Variants in GPHN observed in about 807,000 individuals in gnomAD.
GPHN encodes gephyrin.
In GPHN, 17 loss-of-function variants were observed where a neutral mutation model predicts 95.5. That is an observed-to-expected ratio of 0.18 (90% confidence interval 0.12 to 0.27). The LOEUF (loss-of-function observed/expected upper bound fraction) is 0.27. GPHN is among the 10% of genes least tolerant of loss of function. GPHN has a pLI of 1.00. For missense variants in GPHN, 660 were observed against 978.1 expected, an observed-to-expected ratio of 0.67 and a Z score of 4.34; for synonymous variants, 320 against 322.5, an observed-to-expected ratio of 0.99 and a Z score of 0.08.
intron 17 of GPHN, among the ~76,000 whole-genome samples, chr14:67,133,197 C>G (rs569457368): frequency 4.0e-4 from 61 of 152,106 alleles, no homozygotes; most frequent in African/African-American, 1.3e-3. Flanking sequence ...AATAGATGTC[C>G]TCAGCTATTT....
chr14:66,931,893 C>A (rs2066818072), intron 8 of GPHN, among the ~76,000 whole-genome samples: 1 of 152,180 alleles, frequency 6.6e-6, no homozygotes, highest in Non-Finnish European at 1.5e-5. Flanking sequence ...TTAGCAAAGC[C>A]ATGCTTTTGT....
intron 1 of GPHN, among the ~76,000 whole-genome samples, chr14:66,598,536 CTG>C (rs1490596351): frequency 6.6e-6 from 1 of 152,012 alleles, no homozygotes; most frequent in Non-Finnish European, 1.5e-5. Context: ...TCCCTAAAAA[CTG>C]AAAAGCAAAA....
intron 1 of GPHN, among the ~76,000 whole-genome samples, chr14:66,553,635 G>A (rs1259236043): frequency 6.6e-6 from 1 of 151,832 alleles, no homozygotes; most frequent in Non-Finnish European, 1.5e-5. Flanking sequence ...GGAGTGCAGT[G>A]GTGCGATCTC....
At chr14:67,519,700 G>A in the GPHN span, among the ~76,000 whole-genome samples, 2 of 148,272 alleles carry the variant, frequency 1.3e-5, no homozygotes, top group African/African-American at 4.9e-5. Context: ...CTGACTCAGT[G>A]GCCCTGTAAG....
At chr14:67,347,440 TG>T in the GPHN span, 1 of 1,607,768 alleles carries the variant, frequency 6.2e-7, no homozygotes, top group African/African-American at 1.3e-5. Flanking sequence ...GTTCAAATAC[TG>T]GCAAAGTAAC....
chr14:66,962,239 A>G (rs1397878220), intron 8 of GPHN, among the ~76,000 whole-genome samples: 3 of 150,774 alleles, frequency 2.0e-5, no homozygotes, highest in Admixed American at 6.6e-5. Context: ...ATATTCTTCT[A>G]TGTTCTTCAT....
the GPHN span, among the ~76,000 whole-genome samples, chr14:67,681,816 A>G: frequency 1.3e-5 from 2 of 152,208 alleles, no homozygotes; most frequent in African/African-American, 4.8e-5. Flanking sequence ...TCACAGACCT[A>G]TGTAATGCTA....
At chr14:67,646,702 T>C in the GPHN span, 5 of 1,613,890 alleles carry the variant, frequency 3.1e-6, no homozygotes, top group Non-Finnish European at 4.2e-6. Context: ...GCAAGTATTG[T>C]GTATATTGGT....
At chr14:66,753,527 A>T (rs921482416) in intron 2 of GPHN, among the ~76,000 whole-genome samples, 3 of 152,064 alleles carry the variant, frequency 2.0e-5, no homozygotes, top group Admixed American at 6.6e-5. Context: ...AAAAAATTTT[A>T]AAGAAAGTTA....
At chr14:66,976,489 A>G (rs963355054) in intron 9 of GPHN, among the ~76,000 whole-genome samples, 1 of 152,178 alleles carries the variant, frequency 6.6e-6, no homozygotes, top group African/African-American at 2.4e-5. Context: ...TTTAATATAG[A>G]GTACATCCCA....
chr14:66,972,814 C>T (rs1460883363), intron 9 of GPHN, among the ~76,000 whole-genome samples: 1 of 151,896 alleles, frequency 6.6e-6, no homozygotes, highest in Non-Finnish European at 1.5e-5. Flanking sequence ...TTCAAACTAG[C>T]TTTTTTAAAA....
At chr14:67,671,397 G>A in the GPHN span, among the ~76,000 whole-genome samples, 3 of 152,116 alleles carry the variant, frequency 2.0e-5, no homozygotes, top group East Asian at 1.9e-4. Context: ...GTGGTAGCAT[G>A]CGCCTGTAAT....
chr14:66,659,454 T>G (rs2065505608), intron 1 of GPHN, among the ~76,000 whole-genome samples: 1 of 152,184 alleles, frequency 6.6e-6, no homozygotes, highest in African/African-American at 2.4e-5. Context: ...TGGTGGTTGA[T>G]ACTGTTGAGT....
At chr14:67,571,843 T>C in the GPHN span, 1 of 1,613,472 alleles carries the variant, frequency 6.2e-7, no homozygotes. Flanking sequence ...CGAATCTCGG[T>C]CCCCTCCTCT....
chr14:66,797,729 T>C (rs2060209241), intron 3 of GPHN, among the ~76,000 whole-genome samples: 2 of 151,954 alleles, frequency 1.3e-5, no homozygotes, highest in African/African-American at 2.4e-5. Flanking sequence ...TCTTGTGTAG[T>C]CTTTAGGTTT....
the GPHN span, among the ~76,000 whole-genome samples, chr14:67,475,138 C>A: frequency 1.3e-5 from 2 of 152,178 alleles, no homozygotes; most frequent in African/African-American, 2.4e-5. Flanking sequence ...TGGTCACAAG[C>A]CCCTGAGCTC....
Position 66,965,223 on chromosome 14 carries a change from G to C in GPHN, c.861G>C (p.Gln287His). The stretch of plus-strand genomic sequence containing the variant: ...ACTCCATCATTTCTCGTGGTGTTCA[G>C]GTGCTCCCACGAGACACAGCCTCCC... ...IPDSIISRGVQVLPRDTASLS... is the reference protein window; with the variant it reads ...IPDSIISRGVHVLPRDTASLS... The change falls in exon 9 of 23, where the codon CAG (glutamine) becomes CAC (histidine). Residue 287 changes from glutamine (Q) to histidine (H), a missense_variant. This residue lies in a region of GPHN where 190 missense variants were observed against 224.7 expected (regional missense o/e 0.85). Transcript: ENST00000478722. The C allele has an allele frequency of 6.2e-7, 1 of 1,610,406 alleles. No individual in the cohort carries two copies. Among genetic ancestry groups the C allele is most frequent in the Non-Finnish European group, 8.5e-7 (1 of 1,176,678 alleles).
the GPHN span, among the ~76,000 whole-genome samples, chr14:67,193,630 TATATAG>T: frequency 7.5e-5 from 11 of 147,006 alleles, no homozygotes; most frequent in Admixed American, 5.4e-4. Flanking sequence ...TATATCTATC[TATATAG>T]ATATAGATAT....
At chr14:66,982,592 T>A (rs2153599183) in intron 9 of GPHN, among the ~76,000 whole-genome samples, 1 of 152,302 alleles carries the variant, frequency 6.6e-6, no homozygotes, top group African/African-American at 2.4e-5. Context: ...ATGGATAATA[T>A]CTTTTAACAT....
Sources: allele counts gnomAD v4.1 joint callset (sites outside exome capture counted in the v4.1 genomes callset), GRCh38; gene constraint gnomAD v4.1.1; regional missense constraint gnomAD v4.1.1; transcripts MANE v1.5; gene names NCBI Gene and HGNC (gene_info 2026-07-23, HGNC 2026-07-21).